SBF2: variants seen among roughly 807,000 people sequenced by gnomAD.
SBF2 encodes the protein SET binding factor 2, also known as myotubularin-related protein 13.
SBF2 carries 112 observed loss-of-function variants against 225.2 expected under a neutral mutation model. The observed-to-expected ratio is 0.50, with a 90% CI of 0.43 to 0.58. SBF2 has a LOEUF of 0.58. SBF2 is among the 20% of genes least tolerant of loss of function. The probability of loss-of-function intolerance (pLI) is 0.00; values close to 1 mark genes in which losing one functional copy is unlikely to be tolerated. For missense variants in SBF2, 1,996 were observed against 2,206.2 expected (o/e 0.90, Z 1.91); for synonymous variants, 763 against 773.3 (o/e 0.99, Z 0.22).
chr11:9,922,301 T>A (rs1382356674), intron 16 of SBF2, among the ~76,000 whole-genome samples: 2 of 151,972 alleles, frequency 1.3e-5, no homozygotes, highest in Non-Finnish European at 2.9e-5. Flanking sequence ...CATCCACGAG[T>A]GAGGCATATT....
chr11:10,235,491 C>T (rs1959031738), intron 1 of SBF2, among the ~76,000 whole-genome samples: 1 of 149,644 alleles, frequency 6.7e-6, no homozygotes, highest in Admixed American at 6.7e-5. Context: ...TGTGCCACTG[C>T]ACTCCAGCCT....
chr11:10,220,282 C>T (rs555898718), intron 1 of SBF2, among the ~76,000 whole-genome samples: 1 of 152,138 alleles, frequency 6.6e-6, no homozygotes, highest in South Asian at 2.1e-4. Context: ...TGGGAAAGAC[C>T]CACCCTCGCC....
At chr11:10,131,590 C>T (rs879383411) in intron 2 of SBF2, among the ~76,000 whole-genome samples, 3 of 152,128 alleles carry the variant, frequency 2.0e-5, no homozygotes, top group Non-Finnish European at 4.4e-5. Context: ...TGCACCACCA[C>T]ATCTGGCTAA....
At chr11:10,207,465 T>C (rs1452262364) in intron 1 of SBF2, among the ~76,000 whole-genome samples, 1 of 152,154 alleles carries the variant, frequency 6.6e-6, no homozygotes, top group Non-Finnish European at 1.5e-5. Context: ...ATAGCTGGTG[T>C]TCTGATATCA....
chr11:10,142,254 A>G (rs1954683153), intron 2 of SBF2, among the ~76,000 whole-genome samples: 1 of 152,178 alleles, frequency 6.6e-6, no homozygotes, highest in African/African-American at 2.4e-5. Context: ...TTTAGAGGTA[A>G]ATTAATTTCC....
chr11:10,189,212 A>C (rs536054723), intron 2 of SBF2, among the ~76,000 whole-genome samples: 2 of 152,298 alleles, frequency 1.3e-5, no homozygotes, highest in Admixed American at 1.3e-4. Context: ...TTATATACTC[A>C]CATGCAAGAA....
intron 16 of SBF2, among the ~76,000 whole-genome samples, chr11:9,913,013 G>A (rs527749771): frequency 6.6e-6 from 1 of 152,356 alleles, no homozygotes; most frequent in South Asian, 2.1e-4. Flanking sequence ...CGTGCTGGGT[G>A]TGGTGGTTCA....
chr11:10,081,126 T>C (rs1285007653), intron 2 of SBF2, among the ~76,000 whole-genome samples: 1 of 152,088 alleles, frequency 6.6e-6, no homozygotes, highest in Admixed American at 6.6e-5. Context: ...ATACAAGGAA[T>C]ATATCAACAG....
intron 17 of SBF2, among the ~76,000 whole-genome samples, chr11:9,887,696 G>A (rs867420647): frequency 6.6e-6 from 1 of 152,122 alleles, no homozygotes; most frequent in South Asian, 2.1e-4. Flanking sequence ...ACTGATGCTT[G>A]TCTTCACTCT....
chr11:9,908,158 T>G (rs1332746352), intron 16 of SBF2, among the ~76,000 whole-genome samples: 4 of 152,278 alleles, frequency 2.6e-5, no homozygotes, highest in African/African-American at 9.6e-5. Context: ...AAAAAGCAAT[T>G]AAAAACATAA....
At chr11:10,267,483 G>A (rs12419593) in intron 1 of SBF2, among the ~76,000 whole-genome samples, 74,573 of 151,994 alleles carry the variant, frequency 0.49, 18,687 homozygotes, top group Non-Finnish European at 0.54. Flanking sequence ...ACAACACTTT[G>A]AAGTGAAGGT....
At chr11:9,993,170 A>G in intron 10 of SBF2, 67 bp from the exon 11 acceptor site, 1 of 1,133,832 alleles carries the variant, frequency 8.8e-7, no homozygotes, top group Non-Finnish European at 1.3e-6. Flanking sequence ...TCAAGTCAAA[A>G]AGGTGAAAAG....
At chr11:10,296,502 T>C (rs969222019), upstream of SBF2, among the ~76,000 whole-genome samples, 1 of 152,118 alleles carries the variant, frequency 6.6e-6, no homozygotes, top group Non-Finnish European at 1.5e-5. Flanking sequence ...GCCCCCATGA[T>C]TCAATTACCT....
intron 16 of SBF2, among the ~76,000 whole-genome samples, chr11:9,930,551 T>C (rs1051140033): frequency 2.1e-4 from 32 of 152,178 alleles, no homozygotes; most frequent in Admixed American, 1.2e-3. Context: ...GGATAATAAA[T>C]TGGTTCATTA....
intron 13 of SBF2, among the ~76,000 whole-genome samples, chr11:9,968,947 T>C (rs903478306): frequency 6.6e-6 from 1 of 152,136 alleles, no homozygotes; most frequent in Admixed American, 6.6e-5. Flanking sequence ...AATTCACAAG[T>C]TTTTTTCTTT....
At chr11:10,022,973 C>A (rs989539554) in intron 6 of SBF2, among the ~76,000 whole-genome samples, 2 of 152,078 alleles carry the variant, frequency 1.3e-5, no homozygotes, top group East Asian at 1.9e-4. Flanking sequence ...AAGGTTATAA[C>A]GGCACATAAT....
intron 14 of SBF2, among the ~76,000 whole-genome samples, chr11:9,967,190 T>C (rs1310095108): frequency 6.6e-6 from 1 of 151,852 alleles, no homozygotes; most frequent in Admixed American, 6.6e-5. Context: ...GCTAACACAG[T>C]GAAACCCCGT....
intron 2 of SBF2, among the ~76,000 whole-genome samples, chr11:10,108,690 A>G (rs1465012740): frequency 6.6e-6 from 1 of 151,468 alleles, no homozygotes; most frequent in Non-Finnish European, 1.5e-5. Context: ...ACGCCCGGCT[A>G]ATTTTTTGTA....
intron 2 of SBF2, among the ~76,000 whole-genome samples, chr11:10,069,586 A>T (rs533520437): frequency 7.9e-5 from 12 of 152,200 alleles, no homozygotes; most frequent in African/African-American, 2.9e-4. Flanking sequence ...TGGCTCCAAG[A>T]CTTTGCTGCT....
Sources: gnomAD v4.1 joint callset for allele counts (sites outside exome capture counted in the v4.1 genomes callset) on GRCh38, gnomAD v4.1.1 for gene constraint, MANE v1.5 for transcripts, NCBI Gene and HGNC (gene_info 2026-07-23, HGNC 2026-07-21) for gene names.